THEMIS: variants seen among roughly 807,000 people sequenced by gnomAD.
THEMIS encodes the protein thymocyte selection associated, also known as protein THEMIS.
A neutral mutation model predicts 52.6 loss-of-function variants in THEMIS; 37 were observed. The ratio of observed to expected loss-of-function variants is 0.70; its 90% CI spans 0.54 to 0.93. THEMIS has a LOEUF of 0.93. Among genes scored for constraint, THEMIS ranks in the 40% least tolerant of loss-of-function variants. THEMIS has a pLI of 0.00. For missense variants in THEMIS, 808 were observed against 763.1 expected, an observed-to-expected ratio of 1.06 and a Z score of -0.69; for synonymous variants, 292 against 272.7, an observed-to-expected ratio of 1.07 and a Z score of -0.70.
intron 1 of THEMIS, among the ~76,000 whole-genome samples, chr6:127,916,198 T>G (rs1331412239): frequency 1.3e-5 from 2 of 151,456 alleles, no homozygotes; most frequent in African/African-American, 4.8e-5. Flanking sequence ...ATTAAATATA[T>G]CTATGAAAAA....
chr6:127,832,049 G>A (rs528434250), intron 2 of THEMIS, among the ~76,000 whole-genome samples: 82 of 152,190 alleles, frequency 5.4e-4, no homozygotes, highest in African/African-American at 1.9e-3. Flanking sequence ...TAAAAAATGC[G>A]TACCTAAAAT....
intron 1 of THEMIS, among the ~76,000 whole-genome samples, chr6:127,880,679 A>T (rs1780457458): frequency 6.6e-6 from 1 of 151,874 alleles, no homozygotes; most frequent in South Asian, 2.1e-4. Flanking sequence ...CTGAATCACT[A>T]AAACCAACCC....
chr6:127,807,833 G>C (rs535104776), intron 4 of THEMIS, among the ~76,000 whole-genome samples: 10 of 152,156 alleles, frequency 6.6e-5, no homozygotes, highest in African/African-American at 2.4e-4. Context: ...GCCCAGTAAC[G>C]TGGATTTCTC....
intron 1 of THEMIS, among the ~76,000 whole-genome samples, chr6:127,855,754 A>AG (rs1305300794): frequency 2.0e-5 from 3 of 152,064 alleles, no homozygotes; most frequent in African/African-American, 7.2e-5. Context: ...TTGTGGCGAT[A>AG]GGGGGCAGAC....
At chr6:127,859,350 G>T (rs576669825) in intron 1 of THEMIS, among the ~76,000 whole-genome samples, 2 of 152,000 alleles carry the variant, frequency 1.3e-5, no homozygotes, top group African/African-American at 4.8e-5. Context: ...CACTTCATGC[G>T]TATCTCCATT....
intron 2 of THEMIS, among the ~76,000 whole-genome samples, chr6:127,848,460 A>C (rs1197840961): frequency 1.3e-5 from 2 of 151,828 alleles, no homozygotes; most frequent in Admixed American, 6.6e-5. Flanking sequence ...TGGCTGGGTC[A>C]AATGGTATTT....
chr6:127,910,965 T>C (rs1418638604), intron 1 of THEMIS, among the ~76,000 whole-genome samples: 2 of 152,150 alleles, frequency 1.3e-5, no homozygotes, highest in Non-Finnish European at 2.9e-5. Context: ...CCTTGACAAT[T>C]TGAGGGATAC....
intron 2 of THEMIS, among the ~76,000 whole-genome samples, chr6:127,846,526 T>C (rs535272629): frequency 6.6e-6 from 1 of 151,972 alleles, no homozygotes; most frequent in South Asian, 2.1e-4. Context: ...GTGAACAAAC[T>C]AGAAAATCTA....
chr6:127,896,598 T>C (rs1780974909), intron 1 of THEMIS, among the ~76,000 whole-genome samples: 1 of 151,584 alleles, frequency 6.6e-6, no homozygotes, highest in Non-Finnish European at 1.5e-5. Context: ...AGGAGGACTT[T>C]TGAGGAAGTT....
chr6:127,918,159 C>T (rs922223226), intron 1 of THEMIS, among the ~76,000 whole-genome samples: 6 of 152,136 alleles, frequency 3.9e-5, no homozygotes, highest in Non-Finnish European at 5.9e-5. Context: ...ACTGAAGGCT[C>T]CAAGGCACAG....
intron 4 of THEMIS, among the ~76,000 whole-genome samples, chr6:127,765,346 AT>A (rs1319917658): frequency 1.3e-5 from 2 of 152,116 alleles, no homozygotes; most frequent in Non-Finnish European, 2.9e-5. Flanking sequence ...AGAGAGAACA[AT>A]AAAAGCCCAA....
chr6:127,848,647 G>T (rs1323050054), intron 2 of THEMIS, among the ~76,000 whole-genome samples: 1 of 152,060 alleles, frequency 6.6e-6, no homozygotes, highest in African/African-American at 2.4e-5. Context: ...TCTCATTGTG[G>T]TTTTGATTTG....
the THEMIS span, among the ~76,000 whole-genome samples, chr6:127,703,035 G>GGTTTTTTTTTTTTTTTT: frequency 2.0e-3 from 161 of 82,380 alleles, 30 homozygotes; most frequent in Middle Eastern, 0.016. Flanking sequence ...TTTAGAATGA[G>GGTTTTTTTTTTTTTTTT]TTTTTTTTTT....
intron 2 of THEMIS, among the ~76,000 whole-genome samples, chr6:127,850,127 A>T (rs74824568): frequency 0.019 from 2,872 of 152,184 alleles, 92 homozygotes; most frequent in African/African-American, 0.065. Flanking sequence ...AACAACAAAC[A>T]TATGAAAAAT....
intron 4 of THEMIS, among the ~76,000 whole-genome samples, chr6:127,742,081 T>C (rs1775220800): frequency 6.6e-6 from 1 of 151,818 alleles, no homozygotes; most frequent in South Asian, 2.1e-4. Context: ...GAGGCTGAGG[T>C]AGGCAGATCA....
chr6:127,725,812 T>C (rs1406432855), intron 4 of THEMIS, among the ~76,000 whole-genome samples: 1 of 152,074 alleles, frequency 6.6e-6, no homozygotes, highest in Admixed American at 6.6e-5. Flanking sequence ...CATGCTATCT[T>C]TTGACCCTTT....
At chr6:127,856,702 C>T (rs1779629586) in intron 1 of THEMIS, among the ~76,000 whole-genome samples, 1 of 152,022 alleles carries the variant, frequency 6.6e-6, no homozygotes, top group African/African-American at 2.4e-5. Context: ...ATAACCCTCT[C>T]CTTGTCTCAT....
chr6:127,751,051 T>C (rs770927181), intron 4 of THEMIS, among the ~76,000 whole-genome samples: 3 of 151,720 alleles, frequency 2.0e-5, no homozygotes, highest in Non-Finnish European at 4.4e-5. Context: ...AAGGTAAGGG[T>C]ATAGTCAAAT....
chr6:127,759,764 T>G (rs1215784362), intron 4 of THEMIS, among the ~76,000 whole-genome samples: 3 of 151,740 alleles, frequency 2.0e-5, no homozygotes, highest in South Asian at 2.1e-4. Context: ...CTTTTCTTCT[T>G]TCTTCCTTCT....
Sources: gnomAD v4.1 joint callset for allele counts (sites outside exome capture counted in the v4.1 genomes callset) on GRCh38, gnomAD v4.1.1 for gene constraint, MANE v1.5 for transcripts, NCBI Gene and HGNC (gene_info 2026-07-23, HGNC 2026-07-21) for gene names.